CCDC149: variants seen among roughly 807,000 people sequenced by gnomAD.
CCDC149 encodes coiled-coil domain-containing protein 149.
A neutral mutation model predicts 59.9 loss-of-function variants in CCDC149; 45 were observed. The ratio of observed to expected loss-of-function variants is 0.75; its 90% CI spans 0.59 to 0.96. The LOEUF is 0.96. Ranked by LOEUF, CCDC149 falls within the 40% of genes least tolerant of loss-of-function variation. CCDC149 has a pLI of 0.00. For missense variants in CCDC149, 584 were observed against 664.7 expected (o/e 0.88, Z 1.33); for synonymous variants, 245 against 260.6 (o/e 0.94, Z 0.58).
chr4:24,914,974 A>G (rs1722083382), upstream of CCDC149, among the ~76,000 whole-genome samples: 3 of 152,250 alleles, frequency 2.0e-5, no homozygotes. Context: ...GGGAAGTTCA[A>G]TAACATTGCA....
chr4:24,967,760 G>A (rs1299487222), intron 1 of CCDC149, among the ~76,000 whole-genome samples: 1 of 151,862 alleles, frequency 6.6e-6, no homozygotes, highest in Non-Finnish European at 1.5e-5. Context: ...AGATTTAGAA[G>A]TGGCGGCGCC....
chr4:24,858,652 G>T (rs1284035502), intron 3 of CCDC149, among the ~76,000 whole-genome samples: 1 of 152,166 alleles, frequency 6.6e-6, no homozygotes, highest in African/African-American at 2.4e-5. Flanking sequence ...CTTTGTCAAG[G>T]AACAACTCAA....
intron 1 of CCDC149, among the ~76,000 whole-genome samples, chr4:24,939,557 C>T (rs189868872): frequency 2.0e-4 from 30 of 152,120 alleles, no homozygotes; most frequent in Admixed American, 7.9e-4. Flanking sequence ...ATGACTTTGA[C>T]GAGTTGAGAG....
intron 4 of CCDC149, among the ~76,000 whole-genome samples, chr4:24,843,932 C>T (rs539313193): frequency 7.2e-5 from 11 of 152,250 alleles, no homozygotes; most frequent in South Asian, 2.1e-4. Flanking sequence ...CTCCCTTGTC[C>T]GAAACATGCC....
intron 4 of CCDC149, among the ~76,000 whole-genome samples, chr4:24,847,624 A>C (rs1717386000): frequency 6.6e-6 from 1 of 152,216 alleles, no homozygotes; most frequent in African/African-American, 2.4e-5. Context: ...TAAATGATTA[A>C]ACAATTCGAT....
chr4:24,917,314 G>C (rs1722155741), upstream of CCDC149, among the ~76,000 whole-genome samples: 2 of 152,232 alleles, frequency 1.3e-5, no homozygotes, highest in Admixed American at 6.5e-5. Context: ...AGGCAGCAGG[G>C]GGTGGAAGGA....
chr4:24,826,852 C>T lies in CCDC149; in HGVS notation c.966-4279G>A, dbSNP rs991101476. The T allele has an allele frequency of 2.0e-5, 3 of 152,164 alleles. No individual in the cohort carries two copies. In the East Asian group the frequency reaches 5.8e-4, roughly 29 times the overall value. 9.4% of individuals were successfully genotyped at this position (152,164 alleles called of 1,614,324 possible). On this transcript the variant is annotated intron_variant, in intron 9 of 12. Transcript: ENST00000635206. ...AGACTCTGGGAGAAGTGAATATAGC[C>T]GGCTCTTCAAGTAGCTTAGCAGGGA...
intron 3 of CCDC149, among the ~76,000 whole-genome samples, chr4:24,861,377 C>T (rs1186613864): frequency 2.0e-5 from 3 of 151,900 alleles, no homozygotes; most frequent in Admixed American, 6.6e-5. Flanking sequence ...AATGAAGTAA[C>T]TCAGGAATGA....
chr4:24,876,810 G>T, intron 1 of CCDC149, 113 bp from the exon 2 acceptor site: 2 of 1,063,160 alleles, frequency 1.9e-6, no homozygotes, highest in Non-Finnish European at 1.3e-6. Flanking sequence ...CATTTTTAGA[G>T]CTCATGTGCC....
At chr4:24,969,939 G>A (rs150983181) in intron 1 of CCDC149, among the ~76,000 whole-genome samples, 79 of 152,316 alleles carry the variant, frequency 5.2e-4, no homozygotes, top group African/African-American at 1.7e-3. Flanking sequence ...TAGGGGAAAG[G>A]CCAGGGAAAG....
intron 1 of CCDC149, among the ~76,000 whole-genome samples, chr4:24,942,369 A>C (rs143449924): frequency 6.6e-6 from 1 of 152,140 alleles, no homozygotes; most frequent in Non-Finnish European, 1.5e-5. Flanking sequence ...AAAACTCTCA[A>C]TAAATTAGGT....
intron 3 of CCDC149, 64 bp downstream of exon 3, chr4:24,873,617 C>T: frequency 2.8e-6 from 3 of 1,068,954 alleles, no homozygotes; most frequent in South Asian, 1.3e-5. Context: ...TTTTGAGATT[C>T]CCTGATCCTC....
At chr4:24,969,134 G>T (rs1003742473) in intron 1 of CCDC149, among the ~76,000 whole-genome samples, 2 of 152,256 alleles carry the variant, frequency 1.3e-5, no homozygotes, top group Non-Finnish European at 2.9e-5. Context: ...TGGGAGGCTT[G>T]TTAGAAATGC....
chr4:24,873,727 G>T lies in CCDC149; in HGVS notation c.226-8C>A. ...AAGTGATGGATCTCCATCCTACAAA[G>T]AAACAAATGCTGCATTTTACTCTTT... On this transcript the variant is annotated splice_polypyrimidine_tract_variant and splice_region_variant and intron_variant, in intron 2 of 12. Coordinates refer to ENST00000635206, the MANE Select transcript of CCDC149 (RefSeq NM_001330643.2). 1 of 1,604,084 alleles carries T rather than the reference G, an allele frequency of 6.2e-7. No homozygotes were observed. The highest frequency in any genetic ancestry group is 8.5e-7 in the Non-Finnish European group (1 of 1,171,704).
intron 4 of CCDC149, among the ~76,000 whole-genome samples, chr4:24,847,998 C>A (rs915394474): frequency 6.6e-6 from 1 of 152,144 alleles, no homozygotes; most frequent in East Asian, 1.9e-4. Flanking sequence ...TCCTTGGTAT[C>A]AGTTACCTGA....
intron 1 of CCDC149, among the ~76,000 whole-genome samples, chr4:24,940,896 CA>C (rs761722472): frequency 8.5e-5 from 13 of 152,182 alleles, no homozygotes; most frequent in Non-Finnish European, 2.9e-5. Flanking sequence ...ATTCATAAAG[CA>C]AGTCCTTAGT....
intron 3 of CCDC149, among the ~76,000 whole-genome samples, chr4:24,872,581 C>G (rs550608681): frequency 5.9e-5 from 9 of 151,512 alleles, no homozygotes; most frequent in African/African-American, 2.2e-4. Flanking sequence ...TATGCACCTG[C>G]AGAATGGTAT....
At chr4:24,864,223 A>G (rs1326029578) in intron 3 of CCDC149, among the ~76,000 whole-genome samples, 1 of 152,242 alleles carries the variant, frequency 6.6e-6, no homozygotes, top group Non-Finnish European at 1.5e-5. Context: ...AGTTAGAAGG[A>G]AGAGAGGGGC....
At chr4:24,863,303 A>G (rs1718497078) in intron 3 of CCDC149, among the ~76,000 whole-genome samples, 1 of 152,206 alleles carries the variant, frequency 6.6e-6, no homozygotes, top group African/African-American at 2.4e-5. Flanking sequence ...AAAACACAAA[A>G]CAAAACAAAA....
Sources: allele counts gnomAD v4.1 joint callset (sites outside exome capture counted in the v4.1 genomes callset), GRCh38; gene constraint gnomAD v4.1.1; transcripts MANE v1.5; gene names NCBI Gene and HGNC (gene_info 2026-07-23, HGNC 2026-07-21).